FKBP5: variants seen among roughly 807,000 people sequenced by gnomAD.
FKBP5 encodes FKBP prolyl isomerase 5, also known as peptidyl-prolyl cis-trans isomerase FKBP5.
A neutral mutation model predicts 50.5 loss-of-function variants in FKBP5; 23 were observed. That is an observed-to-expected ratio of 0.46 (90% CI 0.33 to 0.65). The LOEUF is 0.65. FKBP5 is among the 30% of genes least tolerant of loss of function. FKBP5 has a pLI of 0.02. For synonymous variants in FKBP5, 176 were observed against 190.6 expected (o/e 0.92, Z 0.63); for missense variants, 411 against 553.1 (o/e 0.74, Z 2.58).
chr6:35,718,316 A>G (rs1766549151), intron 2 of FKBP5, among the ~76,000 whole-genome samples: 1 of 152,150 alleles, frequency 6.6e-6, no homozygotes. Flanking sequence ...TCATGGAAGA[A>G]AGCTGAGGCC....
chr6:35,676,191 G>T (rs1201642403), intron 1 of FKBP5, among the ~76,000 whole-genome samples: 1 of 152,062 alleles, frequency 6.6e-6, no homozygotes, highest in Non-Finnish European at 1.5e-5. Flanking sequence ...GAAGGTGAAA[G>T]TAAGGGTCCA....
intron 2 of FKBP5, among the ~76,000 whole-genome samples, chr6:35,638,303 G>C (rs140419645): frequency 1.3e-5 from 2 of 152,230 alleles, no homozygotes; most frequent in South Asian, 4.1e-4. Context: ...TAAATAATTC[G>C]ATTATTTGCT....
At chr6:35,578,768 C>A (rs866422183) in intron 9 of FKBP5, among the ~76,000 whole-genome samples, 224 of 134,750 alleles carry the variant, frequency 1.7e-3, no homozygotes, top group Admixed American at 2.0e-3. Context: ...ACTCCATCTC[C>A]AAAAAAAAAA....
At chr6:35,683,177 T>A (rs1341467173) in intron 1 of FKBP5, among the ~76,000 whole-genome samples, 1 of 112,536 alleles carries the variant, frequency 8.9e-6, no homozygotes, top group East Asian at 2.4e-4. Context: ...TGTGTGTGTG[T>A]ATTTGAGACT....
chr6:35,657,370 C>G (rs4713904), intron 1 of FKBP5, among the ~76,000 whole-genome samples: 1 of 152,118 alleles, frequency 6.6e-6, no homozygotes, highest in Non-Finnish European at 1.5e-5. Context: ...CTGGAGGCTC[C>G]GGGAGAGCAC....
At chr6:35,685,467 T>C (rs1017219366) in intron 1 of FKBP5, among the ~76,000 whole-genome samples, 6 of 151,754 alleles carry the variant, frequency 4.0e-5, no homozygotes, top group Non-Finnish European at 7.4e-5. Flanking sequence ...TTTAGAAATA[T>C]AAAATACTTA....
At chr6:35,728,196 C>G (rs2151027123) in intron 1 of FKBP5, among the ~76,000 whole-genome samples, 1 of 152,326 alleles carries the variant, frequency 6.6e-6, no homozygotes, top group Non-Finnish European at 1.5e-5. Context: ...AGTGGGTGTG[C>G]TCGCTCACCA....
chr6:35,587,227 C>T, intron 7 of FKBP5, 110 bp from the exon 8 acceptor site: 3 of 971,314 alleles, frequency 3.1e-6, no homozygotes, highest in South Asian at 1.5e-5. Flanking sequence ...ACTGAAAACA[C>T]TCTGGCTGTT....
chr6:35,677,461 A>C (rs754787055), intron 1 of FKBP5, among the ~76,000 whole-genome samples: 5 of 152,232 alleles, frequency 3.3e-5, no homozygotes, highest in Non-Finnish European at 7.3e-5. Context: ...AACCCAAAGA[A>C]AAGACCTGTA....
chr6:35,599,742 A>G (rs1336451076), intron 5 of FKBP5, among the ~76,000 whole-genome samples: 2 of 152,192 alleles, frequency 1.3e-5, no homozygotes, highest in Non-Finnish European at 2.9e-5. Context: ...TATGTCCCAC[A>G]CTCATAAATG....
chr6:35,588,772 T>TC (rs1263788945), intron 7 of FKBP5, among the ~76,000 whole-genome samples: 1 of 150,620 alleles, frequency 6.6e-6, no homozygotes, highest in African/African-American at 2.4e-5. Flanking sequence ...AGCTAATTTT[T>TC]TTTTTTTTTT....
intron 2 of FKBP5, among the ~76,000 whole-genome samples, chr6:35,702,368 TA>T (rs11404008): frequency 7.7e-5 from 11 of 143,610 alleles, no homozygotes; most frequent in Non-Finnish European, 6.2e-5. Context: ...CAATAAAGGT[TA>T]AAAAAAAAAA....
chr6:35,700,406 G>T (rs1015122326), intron 2 of FKBP5, among the ~76,000 whole-genome samples: 1 of 152,116 alleles, frequency 6.6e-6, no homozygotes, highest in Non-Finnish European at 1.5e-5. Context: ...ATTAATTAAA[G>T]CAGGTCACAG....
chr6:35,579,828 G>GA, intron 9 of FKBP5, among the ~76,000 whole-genome samples: 1 of 152,126 alleles, frequency 6.6e-6, no homozygotes, highest in Admixed American at 6.5e-5. Context: ...ATGATAAACA[G>GA]TCTAGGTATC....
At chr6:35,598,582 A>T (rs1035677275) in intron 5 of FKBP5, among the ~76,000 whole-genome samples, 3 of 152,196 alleles carry the variant, frequency 2.0e-5, no homozygotes, top group Admixed American at 2.0e-4. Flanking sequence ...TTTTAATATT[A>T]AGGGTATTCT....
intron 2 of FKBP5, among the ~76,000 whole-genome samples, chr6:35,697,570 A>G (rs1023834626): frequency 1.3e-5 from 2 of 148,644 alleles, no homozygotes; most frequent in African/African-American, 5.0e-5. Context: ...AAAAAGAATG[A>G]AGTACTAATA....
chr6:35,631,297 G>T (rs546071847), intron 3 of FKBP5, among the ~76,000 whole-genome samples: 1 of 152,138 alleles, frequency 6.6e-6, no homozygotes, highest in African/African-American at 2.4e-5. Context: ...GAATCCCAAA[G>T]TCATTATGTT....
intron 5 of FKBP5, among the ~76,000 whole-genome samples, chr6:35,605,458 C>CA (rs1034582901): frequency 8.2e-6 from 1 of 122,082 alleles, no homozygotes; most frequent in African/African-American, 3.1e-5. Flanking sequence ...TGCAGTGGTG[C>CA]AACCATAACT....
intron 5 of FKBP5, among the ~76,000 whole-genome samples, chr6:35,613,537 G>T (rs1763556987): frequency 6.6e-6 from 1 of 152,026 alleles, no homozygotes; most frequent in African/African-American, 2.4e-5. Context: ...TTTATATCTG[G>T]TTTCACATCT....
Sources: allele counts gnomAD v4.1 joint callset (sites outside exome capture counted in the v4.1 genomes callset), GRCh38; gene constraint gnomAD v4.1.1; transcripts MANE v1.5; gene names NCBI Gene and HGNC (gene_info 2026-07-23, HGNC 2026-07-21).